The following MYPN variants were observed in gnomAD, a reference collection of about 807,000 sequenced individuals.
The protein encoded by MYPN is sarcomeric protein myopalladin, 145 kDa (MYOP).
A neutral mutation model predicts 129.4 loss-of-function variants in MYPN; 63 were observed. The ratio of observed to expected loss-of-function variants is 0.49; its 90% CI spans 0.40 to 0.60. The LOEUF is 0.60. MYPN is among the 20% of genes least tolerant of loss of function. The pLI is 0.00. For synonymous variants in MYPN, 629 were observed against 600.9 expected (o/e 1.05, Z -0.68); for missense variants, 1,596 against 1,635.4 (o/e 0.98, Z 0.42).
At chr10:68,119,213 G>T (rs2042203651) in intron 1 of MYPN, among the ~76,000 whole-genome samples, 1 of 151,902 alleles carries the variant, frequency 6.6e-6, no homozygotes, top group Non-Finnish European at 1.5e-5. Context: ...ACTATTTTGT[G>T]TATTATTCAC....
upstream of MYPN, among the ~76,000 whole-genome samples, chr10:68,105,506 A>C (rs993368715): frequency 2.0e-5 from 3 of 152,246 alleles, no homozygotes; most frequent in Non-Finnish European, 4.4e-5. Context: ...AGATTTCTTC[A>C]GTAACTTAGT....
intron 2 of MYPN, among the ~76,000 whole-genome samples, chr10:68,137,140 A>G (rs1031674298): frequency 2.0e-5 from 3 of 151,762 alleles, no homozygotes; most frequent in African/African-American, 7.3e-5. Context: ...TTTATAAAAA[A>G]TAACTACATT....
intron 2 of MYPN, among the ~76,000 whole-genome samples, chr10:68,130,885 A>C (rs1211656217): frequency 6.6e-6 from 1 of 152,214 alleles, no homozygotes; most frequent in African/African-American, 2.4e-5. Context: ...ATGGAAAAGT[A>C]TATCTTTTCC....
Position 68,199,486 on chromosome 10 carries a change from C to T in MYPN, c.3404C>T (p.Pro1135Leu). The change falls in exon 17 of 20, where the codon CCA becomes CTA. Residue 1135 changes from proline (P) to leucine (L), a missense_variant. Physicochemically the swap from Pro to Leu is moderately conservative, Grantham distance 98. Transcript: ENST00000358913. ...GGAGTCCACTCTCTGCTCATTGACC[C>T]ACTCACTCAGCGCGACGCAGGGACC... is the stretch of plus-strand genomic sequence containing the variant. ...ETGVHSLLID[P>L]LTQRDAGTYK... 1 of 1,614,114 alleles carries T rather than the reference C, an allele frequency of 6.2e-7. No individual in the cohort carries two copies. The highest frequency in any genetic ancestry group is 8.5e-7 in the Non-Finnish European group (1 of 1,179,986).
Position 68,181,541 on chromosome 10 carries a change from C to T in MYPN, c.2703+6080C>T, listed in dbSNP as rs142453765. 2.5e-3 allele frequency among the ~76,000 whole-genome samples: 377 copies of T among 152,238 alleles called. 1 individual carries two copies. Among genetic ancestry groups the T allele is most frequent in the African/African-American group, 8.9e-3 (368 of 41,550 alleles). Reference sequence around the variant, plus strand: ...TTGACCTCAAGTGATCCACCTACCTCAGCCTCCCAAAGTGCTGGGATTACA... The same window carrying T: ...TTGACCTCAAGTGATCCACCTACCTTAGCCTCCCAAAGTGCTGGGATTACA... On this transcript the variant is annotated intron_variant, in intron 12 of 19. Transcript: ENST00000358913.
At chr10:68,152,868 C>T (rs2042797982) in intron 6 of MYPN, among the ~76,000 whole-genome samples, 4 of 152,092 alleles carry the variant, frequency 2.6e-5, no homozygotes, top group African/African-American at 7.2e-5. Flanking sequence ...AAACTCCTGA[C>T]CTCAGATCCG....
In MYPN at chr10:68,174,649, C is replaced by G. The variant is rs746620299; in HGVS notation, c.2557C>G (p.Pro853Ala). 1 of 1,613,922 alleles carries G rather than the reference C, an allele frequency of 6.2e-7. No individual in the cohort carries two copies. Among genetic ancestry groups the G allele is most frequent in the South Asian group, 1.1e-5 (1 of 91,068 alleles). Reference sequence around the variant, plus strand: ...TGCCATGGGGCTGCCTAGAAGTGCACCATCCATGTAAGTGTCATTGAGGTT... The same window carrying G: ...TGCCATGGGGCTGCCTAGAAGTGCAGCATCCATGTAAGTGTCATTGAGGTT... ...TNAMGLPRSA[P>A]SMPSQGLAKK... Residue 853 changes from proline (P) to alanine (A), a missense_variant, in exon 11 of 20, where the codon CCA becomes GCA. Physicochemically the swap from Pro to Ala is conservative, Grantham distance 27. Coordinates refer to ENST00000358913, the MANE Select transcript of MYPN (RefSeq NM_032578.4).
chr10:68,173,770 T>C (rs891058323), intron 10 of MYPN, among the ~76,000 whole-genome samples: 1 of 151,406 alleles, frequency 6.6e-6, no homozygotes, highest in African/African-American at 2.4e-5. Context: ...CACCACAGCC[T>C]CCTGAGTAGC....
intron 15 of MYPN, among the ~76,000 whole-genome samples, chr10:68,196,797 G>GCCT (rs1038317168): frequency 6.6e-6 from 1 of 151,510 alleles, no homozygotes. Context: ...CTCTCCCTTT[G>GCCT]CCTCCTCCTC....
chr10:68,117,303 T>C (rs761605353), intron 1 of MYPN, among the ~76,000 whole-genome samples: 3 of 151,646 alleles, frequency 2.0e-5, no homozygotes, highest in Non-Finnish European at 2.9e-5. Context: ...AAAAAAAAAT[T>C]TATTGACCAC....
intron 2 of MYPN, among the ~76,000 whole-genome samples, chr10:68,139,761 T>C (rs76638706): frequency 0.035 from 5,279 of 152,236 alleles, 325 homozygotes; most frequent in African/African-American, 0.12. Context: ...ATATTAACTG[T>C]GAATTTTTTC....
intron 1 of MYPN, among the ~76,000 whole-genome samples, chr10:68,094,050 G>A (rs567680135): frequency 2.6e-5 from 4 of 152,198 alleles, no homozygotes; most frequent in Admixed American, 1.3e-4. Context: ...AGCGTATAAT[G>A]AGAAGTGAGG....
Position 68,194,447 on chromosome 10 carries a change from C to T in MYPN, c.3010C>T (p.Leu1004=). The T allele has an allele frequency of 6.2e-7, 1 of 1,613,902 alleles. No individual in the cohort carries two copies. Among genetic ancestry groups the T allele is most frequent in the Non-Finnish European group, 8.5e-7 (1 of 1,179,894 alleles). ...GCGAGAAGGAGATGGGACATGCTCT[C>T]TGCACATTGAATCCACTACCAGTGA... is the stretch of plus-strand genomic sequence containing the variant. The part of the protein sequence containing the change: ...MRREGDGTCS[L]HIESTTSDDD... Residue 1004 remains leucine (L), a synonymous_variant, in exon 14 of 20, where the codon CTG becomes TTG. Coordinates refer to ENST00000358913, the MANE Select transcript of MYPN (RefSeq NM_032578.4).
At position 68,206,835 on chromosome 10, in the gene MYPN, G is replaced by A; in HGVS notation, c.3725G>A (p.Gly1242Glu). ...CAGCCAGCCAAGAAATCAGACGCTG[G>A]ATGGTACACGTTGTCAGCCAAGAAT... ...LIQPAKKSDA[G>E]WYTLSAKNEA... The change falls in exon 19 of 20, where the codon GGA becomes GAA. Residue 1242 changes from glycine (G) to glutamate (E), a missense_variant. Gly to Glu is a moderately conservative substitution (Grantham distance 98, BLOSUM62 -2). Coordinates refer to ENST00000358913, the MANE Select transcript of MYPN (RefSeq NM_032578.4). The A allele has an allele frequency of 6.2e-7, 1 of 1,614,212 alleles. No homozygotes were observed. The highest frequency in any genetic ancestry group is 8.5e-7 in the Non-Finnish European group (1 of 1,180,032).
chr10:68,141,978 G>T, intron 2 of MYPN, among the ~76,000 whole-genome samples: 1 of 152,190 alleles, frequency 6.6e-6, no homozygotes, highest in East Asian at 1.9e-4. Context: ...CCCTGAGGAT[G>T]AACGCCTGAA....
chr10:68,117,876 A>G (rs1465682058), intron 1 of MYPN, among the ~76,000 whole-genome samples: 1 of 151,818 alleles, frequency 6.6e-6, no homozygotes. Context: ...ACTTCTACCT[A>G]TGATATGGCT....
intron 7 of MYPN, among the ~76,000 whole-genome samples, chr10:68,160,885 C>T (rs774099047): frequency 6.6e-6 from 1 of 152,194 alleles, no homozygotes. Context: ...CCACTGTACT[C>T]CAGCCTGGGC....
intron 11 of MYPN, 60 bp from the exon 12 acceptor site, chr10:68,175,263 G>A (rs2043208929): frequency 1.9e-5 from 31 of 1,591,672 alleles, no homozygotes; most frequent in Non-Finnish European, 2.4e-5. Flanking sequence ...CTGATTTCTA[G>A]GCCTTTTTAC....
At chr10:68,150,010 A>G in intron 5 of MYPN, 30 bp from the exon 6 acceptor site, 2 of 1,585,786 alleles carry the variant, frequency 1.3e-6, no homozygotes, top group Non-Finnish European at 8.7e-7. Context: ...ATTAGTAACA[A>G]TGAATTTACT....
Sources: allele counts gnomAD v4.1 joint callset (sites outside exome capture counted in the v4.1 genomes callset), GRCh38; gene constraint gnomAD v4.1.1; transcripts MANE v1.5; gene names NCBI Gene and HGNC (gene_info 2026-07-23, HGNC 2026-07-21).